LPIN2: variants seen among roughly 807,000 people sequenced by gnomAD.
LPIN2 encodes phosphatidate phosphatase LPIN2.
A neutral mutation model predicts 111.4 loss-of-function variants in LPIN2; 55 were observed. The ratio of observed to expected loss-of-function variants is 0.49; its 90% CI spans 0.40 to 0.62. The LOEUF (loss-of-function observed/expected upper bound fraction) is 0.62. Ranked by LOEUF, LPIN2 falls within the 20% of genes least tolerant of loss-of-function variation. The pLI is 0.00. For synonymous variants in LPIN2, 425 were observed against 414.0 expected, an observed-to-expected ratio of 1.03 and a Z score of -0.32; for missense variants, 992 against 1,112.1, an observed-to-expected ratio of 0.89 and a Z score of 1.54.
chr18:2,927,707 C>T lies in LPIN2; in HGVS notation c.1710+15G>A. The T allele has an allele frequency of 3.1e-6, 5 of 1,613,172 alleles. No homozygotes were observed. Among genetic ancestry groups the T allele is most frequent in the Non-Finnish European group, 4.2e-6 (5 of 1,179,112 alleles). On this transcript the variant is annotated intron_variant, in intron 12 of 19. Coordinates refer to ENST00000677752, the MANE Select transcript of LPIN2 (RefSeq NM_001375808.2). ...TCTTTCAGCCCACGGAAACAATGAC[C>T]TCTAGGTCTGTTACCTGTTTGGTCA...
chr18:2,997,050 C>T (rs1480957273), intron 1 of LPIN2, among the ~76,000 whole-genome samples: 4 of 151,856 alleles, frequency 2.6e-5, no homozygotes, highest in East Asian at 1.9e-4. Context: ...GGCGTGATCT[C>T]GGCTCATTGC....
intron 8 of LPIN2, among the ~76,000 whole-genome samples, chr18:2,933,688 G>A (rs2077245326): frequency 2.0e-5 from 3 of 152,130 alleles, no homozygotes; most frequent in Non-Finnish European, 2.9e-5. Flanking sequence ...CATACTTTCC[G>A]TGGAGAAAAG....
In LPIN2 at chr18:2,918,766, A is replaced by AAAAT. The variant is rs2077006286; in HGVS notation, c.*1523_*1526dup. On this transcript the variant is annotated 3_prime_UTR_variant, in exon 20 of 20. Coordinates refer to ENST00000677752, the MANE Select transcript of LPIN2 (RefSeq NM_001375808.2). ...GGGACTTTCAACTCTCCAATCTGGA[A>AAAAT]AAATAACCACCCCTATTTCTCTATC... 6.6e-6 allele frequency: 1 copy of AAAAT among 152,220 alleles called. No homozygotes were observed. The highest frequency in any genetic ancestry group is 2.1e-4 in the South Asian group (1 of 4,828). 9.4% of individuals were successfully genotyped at this position (152,220 alleles called of 1,614,324 possible).
chr18:2,946,526 A>G (rs774190141), intron 4 of LPIN2: 40 of 1,559,838 alleles, frequency 2.6e-5, no homozygotes, highest in Non-Finnish European at 3.4e-5. Flanking sequence ...GTTGTAGCAC[A>G]GCAAGGCCAT....
In LPIN2 at chr18:2,921,939, G is replaced by A. The variant is rs973364456; in HGVS notation, c.2327+108C>T. ...CAGGGACCAAAGAACTGGGAGAGGC[G>A]TGGCGGCTCCAACATCTGACTTCTG... On this transcript the variant is annotated intron_variant, in intron 17 of 19. Transcript: ENST00000677752. 109 of 1,407,308 alleles carry A rather than the reference G, an allele frequency of 7.7e-5. 1 individual carries two copies. The East Asian group carries it at 2.2e-3, about 29-fold the overall frequency. 87.2% of individuals were successfully genotyped at this position (1,407,308 alleles called of 1,614,324 possible).
In LPIN2 at chr18:2,925,091, G is replaced by T; in HGVS notation, c.1938+133C>A. ...GGGGCGGCGGTCGTGGTTCCACTGTGGATAGGCATTGACACGACCATGCCG... is the reference window on the plus strand; with the variant it reads ...GGGGCGGCGGTCGTGGTTCCACTGTTGATAGGCATTGACACGACCATGCCG... On this transcript the variant is annotated intron_variant, in intron 14 of 19. Coordinates refer to ENST00000677752, the MANE Select transcript of LPIN2 (RefSeq NM_001375808.2). The surrounding 1 kb of genome is among the most constrained non-coding windows in gnomAD (Gnocchi z 4.1). 1 of 1,214,248 alleles carries T rather than the reference G, an allele frequency of 8.2e-7. No homozygotes were observed. The highest frequency in any genetic ancestry group is 1.2e-6 in the Non-Finnish European group (1 of 845,040). The allele number at this position is 1,214,248 out of a possible 1,614,324, so 75.2% of individuals were successfully genotyped here. A position where few individuals can be genotyped will look rare whatever the true frequency, so the allele number is the denominator to read the frequency against.
intron 1 of LPIN2, among the ~76,000 whole-genome samples, chr18:3,005,439 A>T (rs1393536836): frequency 6.6e-6 from 1 of 152,094 alleles, no homozygotes; most frequent in East Asian, 1.9e-4. Context: ...GCACTTTGGG[A>T]GGCTGAGGTG....
chr18:2,958,141 C>CAAAA (rs1224779773), intron 2 of LPIN2, among the ~76,000 whole-genome samples: 269 of 11,906 alleles, frequency 0.023, 66 homozygotes, highest in East Asian at 0.074. Flanking sequence ...GACTCCATCT[C>CAAAA]AAAAAAAAAA....
At chr18:2,949,341 G>A (rs932626079) in intron 4 of LPIN2, among the ~76,000 whole-genome samples, 7 of 152,226 alleles carry the variant, frequency 4.6e-5, no homozygotes, top group Admixed American at 3.9e-4. Context: ...ACTCTTCTCA[G>A]CTAGTATTTT....
intron 1 of LPIN2, among the ~76,000 whole-genome samples, chr18:2,997,600 C>T (rs1206347796): frequency 6.6e-6 from 1 of 152,204 alleles, no homozygotes; most frequent in Non-Finnish European, 1.5e-5. Flanking sequence ...GTGACTTCTG[C>T]TGCATAAACA....
chr18:2,962,947 T>A (rs986820223), intron 1 of LPIN2, among the ~76,000 whole-genome samples: 1 of 152,238 alleles, frequency 6.6e-6, no homozygotes, highest in African/African-American at 2.4e-5. Context: ...AACTACAGCA[T>A]AAAATTCATA....
intron 1 of LPIN2, among the ~76,000 whole-genome samples, chr18:2,978,245 G>A (rs1314596390): frequency 6.6e-6 from 1 of 151,872 alleles, no homozygotes; most frequent in Non-Finnish European, 1.5e-5. Flanking sequence ...CAAGATGTCT[G>A]GATATTCTCA....
chr18:2,960,968 G>T, intron 1 of LPIN2, 119 bp from the exon 2 acceptor site: 2 of 761,420 alleles, frequency 2.6e-6, no homozygotes, highest in Non-Finnish European at 4.4e-6. Flanking sequence ...CATATCATTA[G>T]CCTTATTAAT....
At chr18:3,005,209 G>A (rs988378315) in intron 1 of LPIN2, among the ~76,000 whole-genome samples, 93 of 152,194 alleles carry the variant, frequency 6.1e-4, no homozygotes, top group African/African-American at 2.1e-3. Context: ...AATTAGCAGC[G>A]TTTGGTGGCA....
chr18:2,982,275 A>G (rs1277935069), intron 1 of LPIN2, among the ~76,000 whole-genome samples: 1 of 152,214 alleles, frequency 6.6e-6, no homozygotes, highest in African/African-American at 2.4e-5. Context: ...GACTAGGCCA[A>G]CAAAAACTGT....
chr18:2,982,691 C>T lies in LPIN2; in HGVS notation c.-9-21842G>A, dbSNP rs190639127. The stretch of plus-strand genomic sequence containing the variant: ...ACCAAGATACCAGGAGGGGACTTGT[C>T]ATGGTAAACATCTTGAGTTTTACTT... On this transcript the variant is annotated intron_variant, in intron 1 of 19. Coordinates refer to ENST00000677752, the MANE Select transcript of LPIN2 (RefSeq NM_001375808.2). The T allele has an allele frequency of 1.1e-4, 149 of 1,303,140 alleles. 3 individuals carry two copies. In the East Asian group the frequency reaches 5.3e-3, roughly 46 times the overall value. 80.7% of individuals were successfully genotyped at this position (1,303,140 alleles called of 1,614,324 possible).
chr18:2,963,848 T>C (rs1315485871), intron 1 of LPIN2, among the ~76,000 whole-genome samples: 2 of 151,992 alleles, frequency 1.3e-5, no homozygotes, highest in Non-Finnish European at 1.5e-5. Context: ...CCAAAAATGC[T>C]TCTAACACAT....
chr18:3,005,148 G>T (rs1273179718), intron 1 of LPIN2, among the ~76,000 whole-genome samples: 1 of 151,964 alleles, frequency 6.6e-6, no homozygotes, highest in Non-Finnish European at 1.5e-5. Context: ...TCAGGAGTTT[G>T]AGACCAGCCT....
At chr18:2,961,583 G>A (rs772528706) in intron 1 of LPIN2, among the ~76,000 whole-genome samples, 1 of 152,154 alleles carries the variant, frequency 6.6e-6, no homozygotes, top group Non-Finnish European at 1.5e-5. Context: ...AGGTCTGCAA[G>A]GAGTTCTCCA....
Sources: allele counts gnomAD v4.1 joint callset (sites outside exome capture counted in the v4.1 genomes callset), GRCh38; gene constraint gnomAD v4.1.1; non-coding constraint Gnocchi (gnomAD v3.1); transcripts MANE v1.5; gene names NCBI Gene and HGNC (gene_info 2026-07-23, HGNC 2026-07-21).